The following SBNO2 variants were observed in gnomAD, a reference collection of about 807,000 sequenced individuals.
The protein encoded by SBNO2 is strawberry notch homolog 2.
SBNO2 carries 89 observed loss-of-function variants against 146.3 expected under a neutral mutation model. The ratio of observed to expected loss-of-function variants is 0.61; its 90% CI spans 0.51 to 0.73. SBNO2 has a LOEUF of 0.73. Among genes scored for constraint, SBNO2 ranks in the 30% least tolerant of loss-of-function variants. The pLI is 0.00. For synonymous variants in SBNO2, 1,147 were observed against 892.6 expected (o/e 1.29, Z -5.08); for missense variants, 2,092 against 2,003.7 (o/e 1.04, Z -0.84).
At chr19:1,119,870 C>A in intron 12 of SBNO2, 36 bp downstream of exon 12, 1 of 1,464,274 alleles carries the variant, frequency 6.8e-7, no homozygotes. Flanking sequence ...AAAGACGCTG[C>A]TGCGGGTGGG....
intron 11 of SBNO2, among the ~76,000 whole-genome samples, chr19:1,120,865 C>T (rs1213657382): frequency 2.0e-5 from 3 of 151,698 alleles, no homozygotes; most frequent in African/African-American, 7.3e-5. Flanking sequence ...GACGGGGTTT[C>T]ACCATATTGG....
rs1385017232 is a variant in SBNO2, at chr19:1,119,945, T to C, written c.1228A>G (p.Lys410Glu). 15 of 1,550,092 alleles carry C rather than the reference T, an allele frequency of 9.7e-6. No homozygotes were observed. Among genetic ancestry groups the C allele is most frequent in the Non-Finnish European group, 1.2e-5 (14 of 1,147,126 alleles). The change falls in exon 12 of 32, where the codon AAG becomes GAG. Residue 410 changes from lysine (K) to glutamate (E), a missense_variant. Lys to Glu is a moderately conservative substitution (Grantham distance 56). Transcript: ENST00000361757. ...MGKAVLDLQN[K>E]LPLARVVYAS... is the part of the protein sequence containing the mutation. ...TAGACCACGCGGGCCAGGGGCAGCTTGTTCTGCAGGTCTAGCACAGCCTTG... is the reference window on the plus strand; with the variant it reads ...TAGACCACGCGGGCCAGGGGCAGCTCGTTCTGCAGGTCTAGCACAGCCTTG...
chr19:1,125,769 G>A (rs2079958542), intron 5 of SBNO2, among the ~76,000 whole-genome samples: 1 of 152,106 alleles, frequency 6.6e-6, no homozygotes, highest in African/African-American at 2.4e-5. Flanking sequence ...CAGAACGGGC[G>A]AGATCTTTTG....
At chr19:1,122,592 T>TACCCCCCCCCCCCC in intron 9 of SBNO2, 34 bp from the exon 10 acceptor site, 1 of 1,455,730 alleles carries the variant, frequency 6.9e-7, no homozygotes, top group Non-Finnish European at 9.2e-7. Flanking sequence ...CGCCCACCCT[T>TACCCCCCCCCCCCC]CCCCCTCGCC....
intron 1 of SBNO2, among the ~76,000 whole-genome samples, chr19:1,169,799 C>G (rs1038375268): frequency 4.6e-5 from 7 of 152,198 alleles, no homozygotes; most frequent in Non-Finnish European, 1.5e-5. Context: ...CAATCCACAC[C>G]AGGAGGGGCA....
intron 1 of SBNO2, among the ~76,000 whole-genome samples, chr19:1,171,620 G>C (rs1306847264): frequency 6.6e-6 from 1 of 152,194 alleles, no homozygotes; most frequent in Non-Finnish European, 1.5e-5. Context: ...GTTCGGGGCA[G>C]AGCTCACTCT....
rs1195009025 is a variant in SBNO2, at chr19:1,158,350, G to A, written c.-126-3948C>T. Among the ~76,000 whole-genome samples, 1 of 152,138 alleles carries A rather than the reference G, an allele frequency of 6.6e-6. No homozygotes were observed. The highest frequency in any genetic ancestry group is 1.5e-5 in the Non-Finnish European group (1 of 68,016). ...CAGGGTTGTGACCCCCGCACTTTCG[G>A]ATGTGGACACGGAGGCCCCTAGGTG... On this transcript the variant is annotated intron_variant, in intron 1 of 31. Transcript: ENST00000361757. The surrounding 1 kb of genome is among the most constrained non-coding windows in gnomAD (Gnocchi z 9.9).
chr19:1,169,907 G>A (rs1041947842), intron 1 of SBNO2, among the ~76,000 whole-genome samples: 10 of 151,994 alleles, frequency 6.6e-5, no homozygotes, highest in African/African-American at 2.4e-4. Context: ...AAACACAGCC[G>A]TGTCCCCAAC....
rs1265927932 is a variant in SBNO2 at position 1,118,877 on chromosome 19, CAACAAA to C, written c.1527+128_1527+133del. Reference sequence around the variant, plus strand: ...ACAGCACGAGACTGTCTCAAAAAAACAACAAAAAAAAAACCCCAGGACAGGACAGGG... The same window carrying C: ...ACAGCACGAGACTGTCTCAAAAAAACAAAAAAACCCCAGGACAGGACAGGG... On this transcript the variant is annotated intron_variant, in intron 14 of 31. Coordinates refer to ENST00000361757, the MANE Select transcript of SBNO2 (RefSeq NM_014963.3). 2.8e-4 allele frequency: 260 copies of C among 925,272 alleles called. 1 individual carries two copies. In the African/African-American group the frequency reaches 4.1e-3, roughly 15 times the overall value. 57.3% of individuals were successfully genotyped at this position (925,272 alleles called of 1,614,324 possible). A position where few individuals can be genotyped will look rare whatever the true frequency, so the allele number is the denominator to read the frequency against.
intron 4 of SBNO2, among the ~76,000 whole-genome samples, chr19:1,128,860 C>T (rs746125395): frequency 4.0e-5 from 6 of 151,438 alleles, no homozygotes; most frequent in African/African-American, 9.7e-5. Context: ...CCCAGCTACT[C>T]GGGGGGCTGA....
Position 1,158,810 on chromosome 19 carries a change from C to T in SBNO2, c.-126-4408G>A, listed in dbSNP as rs972762793. ...GGTGTCCCGGGAACCCCGCACAGAG[C>T]CACGGCCATAAGACAGAGCGGACTT... is the stretch of plus-strand genomic sequence containing the variant. On this transcript the variant is annotated intron_variant, in intron 1 of 31. Coordinates refer to ENST00000361757, the MANE Select transcript of SBNO2 (RefSeq NM_014963.3). This position sits in a 1 kb window ranked among gnomAD's most constrained non-coding sequence, Gnocchi z 9.9. 6.6e-6 allele frequency among the ~76,000 whole-genome samples: 1 copy of T among 152,182 alleles called. No homozygotes were observed. The highest frequency in any genetic ancestry group is 1.5e-5 in the Non-Finnish European group (1 of 68,018).
In SBNO2 at chr19:1,122,959, C is replaced by T. The variant is rs769343492; in HGVS notation, c.715G>A (p.Ala239Thr). Residue 239 changes from alanine (A) to threonine (T), a missense_variant, in exon 8 of 32, where the codon GCC becomes ACC. Transcript: ENST00000361757. ...VPPPDITYTL[A>T]LPSDSGALSA... ...AGGGCCCCGCTGTCCGAGGGCAGGG[C>T]CAGGGTGTAGGTGATGTCTGGGGGT... 1.9e-6 allele frequency: 3 copies of T among 1,568,338 alleles called. No homozygotes were observed. Among genetic ancestry groups the T allele is most frequent in the Non-Finnish European group, 2.6e-6 (3 of 1,157,390 alleles).
In SBNO2 at chr19:1,126,760, A is replaced by G. The variant is rs2079970185; in HGVS notation, c.441+844T>C. ...CTCACCGGAAGGCGCTCAGTCCCAG[A>G]GACATGTCCAACGTCTGCTCCCAAA... On this transcript the variant is annotated intron_variant, in intron 5 of 31. Coordinates refer to ENST00000361757, the MANE Select transcript of SBNO2 (RefSeq NM_014963.3). The surrounding 1 kb of genome is among the most constrained non-coding windows in gnomAD (Gnocchi z 4.4). 1.3e-5 allele frequency among the ~76,000 whole-genome samples: 2 copies of G among 152,218 alleles called. No homozygotes were observed. The highest frequency in any genetic ancestry group is 2.9e-5 in the Non-Finnish European group (2 of 68,030).
In SBNO2 at chr19:1,110,056, G is replaced by C. The variant is rs2079737081; in HGVS notation, c.3029-279C>G. Among the ~76,000 whole-genome samples the C allele has an allele frequency of 6.6e-6, 1 of 151,466 alleles. No homozygotes were observed. The highest frequency in any genetic ancestry group is 1.5e-5 in the Non-Finnish European group (1 of 67,848). On this transcript the variant is annotated intron_variant, in intron 26 of 31. Transcript: ENST00000361757. The surrounding 1 kb of genome is among the most constrained non-coding windows in gnomAD (Gnocchi z 4.9). ...ATGTAACCCCGAGCAGGCTGTGGGG[G>C]ATCGTGGGAGCCTGGGGGCCGCTCA... is the stretch of plus-strand genomic sequence containing the variant.
chr19:1,119,853 C>G, intron 12 of SBNO2, 53 bp downstream of exon 12: 12 of 1,381,142 alleles, frequency 8.7e-6, no homozygotes, highest in Non-Finnish European at 1.2e-5. Flanking sequence ...CGGGGACAGC[C>G]AGGCAGAAAG....
chr19:1,109,394 C>A lies in SBNO2; in HGVS notation c.3246G>T (p.Leu1082=). ...AGAACTGGCCGCGGTTCTGCTCCGCCAGCAGGCAGCTGGGCTTGTTACCGC... is the reference window on the plus strand; with the variant it reads ...AGAACTGGCCGCGGTTCTGCTCCGCAAGCAGGCAGCTGGGCTTGTTACCGC... ...KVRGNKPSCL[L]AEQNRGQFFT... Residue 1082 remains leucine, a synonymous_variant, in exon 29 of 32, where the codon CTG becomes CTT. Transcript: ENST00000361757. The surrounding 1 kb of genome is among the most constrained non-coding windows in gnomAD (Gnocchi z 4.2). The A allele has an allele frequency of 6.4e-7, 1 of 1,569,956 alleles. No homozygotes were observed. The highest frequency in any genetic ancestry group is 8.6e-7 in the Non-Finnish European group (1 of 1,158,524).
chr19:1,171,903 T>C (rs1026163618), intron 1 of SBNO2, among the ~76,000 whole-genome samples: 1 of 152,194 alleles, frequency 6.6e-6, no homozygotes, highest in Admixed American at 6.5e-5. Flanking sequence ...GGGTGCCTCC[T>C]GTCTAGCCCA....
rs1445017613 is a variant in SBNO2, at chr19:1,117,425, G to A, written c.1602C>T (p.Gly534=). The change falls in exon 15 of 32, where the codon GGC becomes GGT. Residue 534 remains glycine, a synonymous_variant. Transcript: ENST00000361757. ...AGCGCTGGTGTGCCGACCAGAACTG[G>A]CCCCACAGGGACTTGCGCGACTCCA... ...IGLESRKSLW[G]QFWSAHQRFF... 1.3e-6 allele frequency: 2 copies of A among 1,590,866 alleles called. No individual in the cohort carries two copies. Among genetic ancestry groups the A allele is most frequent in the East Asian group, 2.3e-5 (1 of 43,354 alleles).
intron 15 of SBNO2, 92 bp downstream of exon 15, chr19:1,117,231 C>G: frequency 3.8e-6 from 5 of 1,321,368 alleles, no homozygotes; most frequent in Non-Finnish European, 5.1e-6. Flanking sequence ...CCGCCCACGT[C>G]TGGGGAGGGG....
Sources: allele counts gnomAD v4.1 joint callset (sites outside exome capture counted in the v4.1 genomes callset), GRCh38; gene constraint gnomAD v4.1.1; non-coding constraint Gnocchi (gnomAD v3.1); transcripts MANE v1.5; gene names NCBI Gene and HGNC (gene_info 2026-07-23, HGNC 2026-07-21).